ST3GAL4: variants seen among roughly 807,000 people sequenced by gnomAD.
ST3GAL4 encodes CMP-N-acetylneuraminate-beta-galactosamide-alpha-2,3-sialyltransferase 4.
Under a neutral mutation model 42.6 loss-of-function variants are expected in ST3GAL4, and 24 were observed. The ratio of observed to expected loss-of-function variants is 0.56; its 90% CI spans 0.41 to 0.79. ST3GAL4 has a LOEUF of 0.79. ST3GAL4 is among the 30% of genes least tolerant of loss of function. The pLI, the probability that ST3GAL4 is intolerant of heterozygous loss-of-function variation, is 0.00. For missense variants in ST3GAL4, 311 were observed against 430.8 expected, an observed-to-expected ratio of 0.72 and a Z score of 2.46; for synonymous variants, 135 against 163.2, an observed-to-expected ratio of 0.83 and a Z score of 1.32.
Position 126,392,226 on chromosome 11 carries a change from G to C in ST3GAL4, c.-60-13870G>C. ...TTCATCTCAGGTTGACCCCCGTTAG[G>C]AGGAAGTAAGTAGGAAGGAAGGAGA... is the stretch of plus-strand genomic sequence containing the variant. On this transcript the variant is annotated intron_variant, in intron 1 of 10. Transcript: ENST00000444328. The surrounding 1 kb of genome is among the most constrained non-coding windows in gnomAD (Gnocchi z 5.8). The C allele has an allele frequency of 1.3e-6, 1 of 793,930 alleles. No homozygotes were observed. The highest frequency in any genetic ancestry group is 1.5e-6 in the Non-Finnish European group (1 of 654,920). 49.2% of individuals were successfully genotyped at this position (793,930 alleles called of 1,614,324 possible).
At chr11:126,374,310 G>C (rs1490657775) in intron 1 of ST3GAL4, among the ~76,000 whole-genome samples, 1 of 151,924 alleles carries the variant, frequency 6.6e-6, no homozygotes, top group Non-Finnish European at 1.5e-5. Flanking sequence ...AAATTAGCTG[G>C]GTATGGTGGT....
At chr11:126,361,550 A>AGC (rs1952243215) in intron 1 of ST3GAL4, among the ~76,000 whole-genome samples, 1 of 151,994 alleles carries the variant, frequency 6.6e-6, no homozygotes, top group African/African-American at 2.4e-5. Flanking sequence ...TATCAACTGA[A>AGC]GCCCCAGTCC....
At position 126,393,531 on chromosome 11, in the gene ST3GAL4, A is replaced by G. The variant is rs1044848233; in HGVS notation, c.-60-12565A>G. Among the ~76,000 whole-genome samples the G allele has an allele frequency of 2.6e-5, 4 of 152,222 alleles. No homozygotes were observed. The highest frequency in any genetic ancestry group is 4.1e-4 in the South Asian group (2 of 4,832). On this transcript the variant is annotated intron_variant, in intron 1 of 10. Transcript: ENST00000444328. The surrounding 1 kb of genome is among the most constrained non-coding windows in gnomAD (Gnocchi z 5.9). Reference sequence around the variant, plus strand: ...TGACTTTGATGTGCTTTGACTGCACATCAGAGTCAAACGAGTCAGAATAAG... The same window carrying G: ...TGACTTTGATGTGCTTTGACTGCACGTCAGAGTCAAACGAGTCAGAATAAG...
intron 1 of ST3GAL4, among the ~76,000 whole-genome samples, chr11:126,371,664 C>T (rs1358522386): frequency 6.6e-6 from 1 of 152,218 alleles, no homozygotes; most frequent in Non-Finnish European, 1.5e-5. Flanking sequence ...TGTAGCACAG[C>T]TTATGTAGCC....
In ST3GAL4 at chr11:126,406,066, G is replaced by A. The variant is rs769194483; in HGVS notation, c.-60-30G>A. ...TCTAGGCAGGAGAGTTTGTGAAGCT[G>A]ACCGGACACCTGTGGCTCTTATTTC... On this transcript the variant is annotated intron_variant, in intron 1 of 10. Transcript: ENST00000444328. The surrounding 1 kb of genome is among the most constrained non-coding windows in gnomAD (Gnocchi z 5.4). The A allele has an allele frequency of 1.4e-5, 21 of 1,551,240 alleles. No homozygotes were observed. In the East Asian group the frequency reaches 2.7e-4, roughly 20 times the overall value.
At chr11:126,405,636 C>T (rs1019635715) in intron 1 of ST3GAL4, 22 of 187,952 alleles carry the variant, frequency 1.2e-4, no homozygotes, top group East Asian at 7.4e-4. Context: ...GACCAAGAGA[C>T]GCCTTGGATG....
rs116869986 is a variant in ST3GAL4, at chr11:126,378,979, T to C, written c.-61+23137T>C. 2.5e-3 allele frequency among the ~76,000 whole-genome samples: 376 copies of C among 152,342 alleles called. 2 individuals are homozygous for C. The highest frequency in any genetic ancestry group is 4.4e-3 in the Non-Finnish European group (302 of 68,032). ...GGCCCAGTTCCATTCATGTTTTCTG[T>C]GCGTAGAGATAAGTTACCATTAATG... On this transcript the variant is annotated intron_variant, in intron 1 of 10. Transcript: ENST00000444328. This position sits in a 1 kb window ranked among gnomAD's most constrained non-coding sequence, Gnocchi z 5.3.
intron 1 of ST3GAL4, among the ~76,000 whole-genome samples, chr11:126,370,571 A>C (rs1952604735): frequency 6.6e-6 from 1 of 152,098 alleles, no homozygotes; most frequent in African/African-American, 2.4e-5. Context: ...TACTCTTTTA[A>C]GTATGAGCTT....
In ST3GAL4 at chr11:126,379,236, T is replaced by C. The variant is rs7109231; in HGVS notation, c.-61+23394T>C. Among the ~76,000 whole-genome samples the C allele has an allele frequency of 1, 151,639 of 152,340 alleles. 75,476 individuals are homozygous for C. Among genetic ancestry groups the C allele is most frequent in the Middle Eastern group, 1 (294 of 294 alleles). On this transcript the variant is annotated intron_variant, in intron 1 of 10. Coordinates refer to ENST00000444328, the MANE Select transcript of ST3GAL4 (RefSeq NM_001254757.2). The surrounding 1 kb of genome is among the most constrained non-coding windows in gnomAD (Gnocchi z 4.2). The stretch of plus-strand genomic sequence containing the variant: ...AGCCACCAATTGCTTTGCTTAGTAG[T>C]GAGGATGGCTTCATGTTGAGCAGTA...
At chr11:126,357,861 ATTC>A (rs1382088812) in intron 1 of ST3GAL4, among the ~76,000 whole-genome samples, 8 of 152,220 alleles carry the variant, frequency 5.3e-5, no homozygotes, top group South Asian at 2.1e-4. Context: ...GGAATTGGGA[ATTC>A]TTCTCAGAAT....
At chr11:126,405,014 G>A (rs1170039619) in intron 1 of ST3GAL4, among the ~76,000 whole-genome samples, 1 of 152,232 alleles carries the variant, frequency 6.6e-6, no homozygotes, top group Non-Finnish European at 1.5e-5. Flanking sequence ...TCCCTTTCCT[G>A]ATCAACCGTC....
At position 126,366,794 on chromosome 11, in the gene ST3GAL4, C is replaced by T. The variant is rs1371244126; in HGVS notation, c.-61+10952C>T. On this transcript the variant is annotated intron_variant, in intron 1 of 10. Coordinates refer to ENST00000444328, the MANE Select transcript of ST3GAL4 (RefSeq NM_001254757.2). This position sits in a 1 kb window ranked among gnomAD's most constrained non-coding sequence, Gnocchi z 4.2. Reference sequence around the variant, plus strand: ...GGGGAGGCGGGAGTGCAAGGTCTGCCGAGTGAGGGTTCCTTCCGGGAGGAG... The same window carrying T: ...GGGGAGGCGGGAGTGCAAGGTCTGCTGAGTGAGGGTTCCTTCCGGGAGGAG... Among the ~76,000 whole-genome samples, 1 of 152,126 alleles carries T rather than the reference C, an allele frequency of 6.6e-6. No homozygotes were observed. Among genetic ancestry groups the T allele is most frequent in the African/African-American group, 2.4e-5 (1 of 41,432 alleles).
chr11:126,412,510 C>T (rs1194194338), intron 9 of ST3GAL4, among the ~76,000 whole-genome samples: 2 of 152,210 alleles, frequency 1.3e-5, no homozygotes, highest in Non-Finnish European at 1.5e-5. Context: ...GTTCTCAGAG[C>T]AGCCAGTAAG....
At chr11:126,404,600 A>G (rs1412799993) in intron 1 of ST3GAL4, among the ~76,000 whole-genome samples, 1 of 152,156 alleles carries the variant, frequency 6.6e-6, no homozygotes, top group Admixed American at 6.5e-5. Context: ...TAGGTAAGGC[A>G]CGCCCCTTTC....
At chr11:126,403,958 T>A (rs569651677) in intron 1 of ST3GAL4, among the ~76,000 whole-genome samples, 5 of 152,192 alleles carry the variant, frequency 3.3e-5, no homozygotes, top group Non-Finnish European at 7.3e-5. Flanking sequence ...GGCTGCACTT[T>A]AGAATCACCC....
chr11:126,406,447 A>G lies in ST3GAL4; in HGVS notation c.17-26A>G, dbSNP rs766594250. 1.9e-6 allele frequency: 3 copies of G among 1,613,964 alleles called. No homozygotes were observed. The highest frequency in any genetic ancestry group is 2.2e-5 in the East Asian group (1 of 44,892). Reference sequence around the variant, plus strand: ...GTTGTACCTGCCTGTTGCTGCCTCTAGCTCCTCTCTGCATGTGTCCTGCAG... The same window carrying G: ...GTTGTACCTGCCTGTTGCTGCCTCTGGCTCCTCTCTGCATGTGTCCTGCAG... On this transcript the variant is annotated intron_variant, in intron 2 of 10. Transcript: ENST00000444328. This position sits in a 1 kb window ranked among gnomAD's most constrained non-coding sequence, Gnocchi z 5.4.
Position 126,409,376 on chromosome 11 carries a change from A to G in ST3GAL4, c.736A>G (p.Ser246Gly). ...GGAGATTGCAGCTGACAAACTGCTG[A>G]GCCTGCCAATGCAACAGCCACGGAA... is the stretch of plus-strand genomic sequence containing the variant. ...FMEIAADKLL[S>G]LPMQQPRKIK... The change falls in exon 9 of 11, where the codon AGC becomes GGC. Residue 246 changes from serine (S) to glycine (G), a missense_variant. Transcript: ENST00000444328. This position sits in a 1 kb window ranked among gnomAD's most constrained non-coding sequence, Gnocchi z 4.9. The G allele has an allele frequency of 6.2e-7, 1 of 1,614,192 alleles. No individual in the cohort carries two copies. The highest frequency in any genetic ancestry group is 1.1e-5 in the South Asian group (1 of 91,086).
intron 1 of ST3GAL4, chr11:126,405,818 C>A: frequency 2.1e-6 from 1 of 475,896 alleles, no homozygotes; most frequent in Non-Finnish European, 3.8e-6. Flanking sequence ...ACCAGAGAGG[C>A]TGGAGTAGGC....
At position 126,392,379 on chromosome 11, in the gene ST3GAL4, A is replaced by C. The variant is rs1447860374; in HGVS notation, c.-60-13717A>C. ...GGTAAGTGGTTAAGATCAGTCGGAC[A>C]TGACAACCTCCAGTTCTGCAGAAGC... is the stretch of plus-strand genomic sequence containing the variant. On this transcript the variant is annotated intron_variant, in intron 1 of 10. Transcript: ENST00000444328. The surrounding 1 kb of genome is among the most constrained non-coding windows in gnomAD (Gnocchi z 5.8). The C allele has an allele frequency of 3.0e-6, 3 of 985,758 alleles. No homozygotes were observed. The highest frequency in any genetic ancestry group is 1.2e-6 in the Non-Finnish European group (1 of 829,924). The allele number at this position is 985,758 out of a possible 1,614,324, so 61.1% of individuals were successfully genotyped here.
Sources: allele counts gnomAD v4.1 joint callset (sites outside exome capture counted in the v4.1 genomes callset), GRCh38; gene constraint gnomAD v4.1.1; non-coding constraint Gnocchi (gnomAD v3.1); transcripts MANE v1.5; gene names NCBI Gene and HGNC (gene_info 2026-07-23, HGNC 2026-07-21).